SPOCK3: variants seen among roughly 807,000 people sequenced by gnomAD.
The protein encoded by SPOCK3 is SPARC (osteonectin), cwcv and kazal like domains proteoglycan 3.
SPOCK3 carries 30 observed loss-of-function variants against 56.6 expected under a neutral mutation model. The observed-to-expected ratio is 0.53, with a 90% CI of 0.40 to 0.72. The LOEUF is 0.72. SPOCK3 is among the 30% of genes least tolerant of loss of function. SPOCK3 has a pLI of 0.00. For missense variants in SPOCK3, 527 were observed against 530.0 expected (o/e 0.99, Z 0.06); for synonymous variants, 196 against 183.3 (o/e 1.07, Z -0.56).
intron 2 of SPOCK3, 189 bp from the exon 3 acceptor site, chr4:167,062,726 A>T: frequency 1.8e-6 from 1 of 546,420 alleles, no homozygotes; most frequent in South Asian, 3.0e-5. Context: ...AATAGTTATC[A>T]AAAAGGAACA....
intron 2 of SPOCK3, among the ~76,000 whole-genome samples, chr4:167,070,910 T>A (rs1383758461): frequency 1.3e-5 from 2 of 152,014 alleles, no homozygotes; most frequent in Non-Finnish European, 2.9e-5. Context: ...ATTACCCAGG[T>A]AGCACTCATT....
At chr4:166,822,865 T>C (rs1019945450) in intron 6 of SPOCK3, among the ~76,000 whole-genome samples, 26 of 152,050 alleles carry the variant, frequency 1.7e-4, no homozygotes, top group Non-Finnish European at 2.9e-5. Context: ...TTTCATTTGG[T>C]TTAATATCTT....
At chr4:167,124,297 T>G (rs1762104247) in intron 2 of SPOCK3, among the ~76,000 whole-genome samples, 1 of 152,142 alleles carries the variant, frequency 6.6e-6, no homozygotes, top group African/African-American at 2.4e-5. Context: ...TTTCTCCAAC[T>G]CAGATTCTCC....
At chr4:167,186,737 G>A (rs1025773825) in intron 2 of SPOCK3, among the ~76,000 whole-genome samples, 6 of 151,878 alleles carry the variant, frequency 4.0e-5, no homozygotes, top group African/African-American at 1.5e-4. Flanking sequence ...AGTATTTTGG[G>A]AGGCTGAGGC....
chr4:166,767,005 G>A (rs1055651707), intron 7 of SPOCK3, among the ~76,000 whole-genome samples: 2 of 152,140 alleles, frequency 1.3e-5, no homozygotes, highest in African/African-American at 2.4e-5. Context: ...TTTGATGGTA[G>A]TTTGTATTTC....
At chr4:167,080,705 A>G (rs1249814329) in intron 2 of SPOCK3, among the ~76,000 whole-genome samples, 4 of 151,950 alleles carry the variant, frequency 2.6e-5, no homozygotes, top group Non-Finnish European at 5.9e-5. Flanking sequence ...TAGTCATACT[A>G]TCTACCTCTA....
intron 2 of SPOCK3, among the ~76,000 whole-genome samples, chr4:167,217,151 TAAAC>T (rs757744200): frequency 8.5e-5 from 13 of 152,238 alleles, no homozygotes; most frequent in Admixed American, 2.0e-4. Flanking sequence ...TAAAAAGAAT[TAAAC>T]AAAAGTTTGT....
At chr4:167,217,163 T>C (rs1168810991) in intron 2 of SPOCK3, among the ~76,000 whole-genome samples, 2 of 152,152 alleles carry the variant, frequency 1.3e-5, no homozygotes, top group African/African-American at 2.4e-5. Context: ...AACAAAAGTT[T>C]GTTAAATAAT....
At chr4:167,080,077 C>A (rs1256552790) in intron 2 of SPOCK3, among the ~76,000 whole-genome samples, 2 of 151,998 alleles carry the variant, frequency 1.3e-5, no homozygotes, top group Non-Finnish European at 2.9e-5. Context: ...GCATAGATGG[C>A]AAATTTGCCT....
chr4:166,838,533 AT>A (rs1397970720), intron 6 of SPOCK3, among the ~76,000 whole-genome samples: 1 of 150,560 alleles, frequency 6.6e-6, no homozygotes, highest in East Asian at 2.0e-4. Flanking sequence ...TCCGTTGGTT[AT>A]TTTTTTACAT....
chr4:167,146,135 A>G (rs1237377996), intron 2 of SPOCK3, among the ~76,000 whole-genome samples: 1 of 152,144 alleles, frequency 6.6e-6, no homozygotes, highest in East Asian at 1.9e-4. Flanking sequence ...GCAAATGGAA[A>G]GCAAAAAAAA....
chr4:167,068,754 A>G (rs1408036770), intron 2 of SPOCK3, among the ~76,000 whole-genome samples: 1 of 151,904 alleles, frequency 6.6e-6, no homozygotes, highest in East Asian at 1.9e-4. Flanking sequence ...TAGATTCTAC[A>G]GAAAAAGAAA....
At chr4:166,984,943 C>A (rs1167633498) in intron 4 of SPOCK3, among the ~76,000 whole-genome samples, 2 of 151,872 alleles carry the variant, frequency 1.3e-5, no homozygotes, top group Non-Finnish European at 2.9e-5. Context: ...TCTTTATAAC[C>A]AAAGTGAGTT....
intron 2 of SPOCK3, among the ~76,000 whole-genome samples, chr4:167,222,351 T>G (rs1254965563): frequency 2.0e-5 from 3 of 151,852 alleles, no homozygotes; most frequent in African/African-American, 7.2e-5. Context: ...AATGAAAAAG[T>G]TCTGGAGACT....
chr4:167,049,968 C>T (rs1754049221), intron 3 of SPOCK3, among the ~76,000 whole-genome samples: 1 of 152,090 alleles, frequency 6.6e-6, no homozygotes, highest in Non-Finnish European at 1.5e-5. Flanking sequence ...CCTTCAAAAC[C>T]ACAAATACAA....
At chr4:166,933,638 C>T (rs1740048483) in intron 4 of SPOCK3, among the ~76,000 whole-genome samples, 2 of 152,184 alleles carry the variant, frequency 1.3e-5, no homozygotes, top group Admixed American at 1.3e-4. Flanking sequence ...GCACCAACTG[C>T]TCTGCTAGAA....
chr4:167,158,386 G>T (rs2150432876), intron 2 of SPOCK3, among the ~76,000 whole-genome samples: 1 of 152,002 alleles, frequency 6.6e-6, no homozygotes, highest in Non-Finnish European at 1.5e-5. Flanking sequence ...GCCATCAAAT[G>T]TGAATACATA....
intron 6 of SPOCK3, among the ~76,000 whole-genome samples, chr4:166,815,191 T>C (rs944450569): frequency 3.3e-5 from 5 of 152,026 alleles, no homozygotes; most frequent in African/African-American, 1.2e-4. Flanking sequence ...ATCTAACTGA[T>C]GTACAGGGAA....
chr4:166,737,738 G>A (rs1734362398), intron 9 of SPOCK3, 134 bp from the exon 10 acceptor site: 1 of 917,470 alleles, frequency 1.1e-6, no homozygotes, highest in African/African-American at 1.7e-5. Flanking sequence ...TGTATTCCAG[G>A]ATAGATACCA....
Sources: allele counts gnomAD v4.1 joint callset (sites outside exome capture counted in the v4.1 genomes callset), GRCh38; gene constraint gnomAD v4.1.1; transcripts MANE v1.5; gene names NCBI Gene and HGNC (gene_info 2026-07-23, HGNC 2026-07-21).